HMCN1: variants seen among roughly 807,000 people sequenced by gnomAD.
The protein encoded by HMCN1 is hemicentin-1.
In HMCN1, 321 loss-of-function variants were observed where a neutral mutation model predicts 625.9. That is an observed-to-expected ratio of 0.51 (90% CI 0.47 to 0.56). The LOEUF (loss-of-function observed/expected upper bound fraction) is 0.56. HMCN1 is among the 20% of genes least tolerant of loss of function. The pLI, the probability that HMCN1 is intolerant of heterozygous loss-of-function variation, is 0.00. For missense variants in HMCN1, 6,588 were observed against 6,887.3 expected, an observed-to-expected ratio of 0.96 and a Z score of 1.54; for synonymous variants, 2,425 against 2,417.6, an observed-to-expected ratio of 1.00 and a Z score of -0.09.
At chr1:186,003,593 T>C (rs1031676099) in intron 28 of HMCN1, 125 bp from the exon 29 acceptor site, 1 of 844,258 alleles carries the variant, frequency 1.2e-6, no homozygotes, top group Non-Finnish European at 2.0e-6. Context: ...TATTGTTGTG[T>C]GGTATTTTAT....
chr1:186,122,815 G>T, intron 80 of HMCN1, 136 bp from the exon 81 acceptor site: 1 of 913,128 alleles, frequency 1.1e-6, no homozygotes, highest in Non-Finnish European at 1.7e-6. Context: ...AAAATGTAGT[G>T]CTCCTTTTCT....
At chr1:185,926,631 T>A (rs1042882229) in intron 9 of HMCN1, among the ~76,000 whole-genome samples, 2 of 152,210 alleles carry the variant, frequency 1.3e-5, no homozygotes, top group Non-Finnish European at 2.9e-5. Context: ...AGATATGACA[T>A]GCTTTGCTGA....
rs762381511 is a variant in HMCN1, at chr1:186,103,602, C to T, written c.10704C>T (p.Pro3568=). 29 of 1,613,740 alleles carry T rather than the reference C, an allele frequency of 1.8e-5. No homozygotes were observed. Among genetic ancestry groups the T allele is most frequent in the East Asian group, 2.2e-5 (1 of 44,880 alleles). ...PKMTWMKDGR[P]LPQTDQVQTL... ...TGACCTGGATGAAAGATGGCCGGCC[C>T]CTTCCACAGACGGATCAAGTGCAAA... Residue 3568 remains proline, a synonymous_variant, in exon 69 of 107, where the codon CCC becomes CCT. Transcript: ENST00000271588.
intron 1 of HMCN1, among the ~76,000 whole-genome samples, chr1:185,819,008 G>A (rs1300078315): frequency 1.3e-5 from 2 of 151,986 alleles, no homozygotes; most frequent in Middle Eastern, 3.4e-3. Context: ...GGAGGCTGAG[G>A]CGGGCGGATC....
chr1:185,773,985 G>T (rs1656423924), intron 1 of HMCN1, among the ~76,000 whole-genome samples: 1 of 152,062 alleles, frequency 6.6e-6, no homozygotes, highest in African/African-American at 2.4e-5. Context: ...TTGTTAAAAG[G>T]ATTCAGAAAA....
At chr1:185,817,644 A>G (rs1375535969) in intron 1 of HMCN1, among the ~76,000 whole-genome samples, 2 of 152,212 alleles carry the variant, frequency 1.3e-5, no homozygotes, top group Non-Finnish European at 2.9e-5. Flanking sequence ...AGCTTATTAC[A>G]TAGTTTCAAG....
rs149235771 is a variant in HMCN1 at position 186,157,594 on chromosome 1, C to A, written c.15256+3607C>A. On this transcript the variant is annotated intron_variant, in intron 97 of 106. Coordinates refer to ENST00000271588, the MANE Select transcript of HMCN1 (RefSeq NM_031935.3). ...CTGGTGCGCTGCACCCACTAACTCC[C>A]CCCACCCCAAAACAGTCCCCAGAGT... Among the ~76,000 whole-genome samples the A allele has an allele frequency of 5.7e-3, 869 of 152,260 alleles. 9 individuals carry two copies. Among genetic ancestry groups the A allele is most frequent in the African/African-American group, 0.02 (846 of 41,564 alleles).
At chr1:185,861,883 A>C (rs1662895135) in intron 2 of HMCN1, among the ~76,000 whole-genome samples, 1 of 152,216 alleles carries the variant, frequency 6.6e-6, no homozygotes. Context: ...TGATTAAGCC[A>C]GCACTGTGCT....
rs1185102259 is a variant in HMCN1 at position 186,063,096 on chromosome 1, A to ATATATATATG, written c.7513+503_7513+504insATGTATATAT. 1.0e-3 allele frequency among the ~76,000 whole-genome samples: 116 copies of ATATATATATG among 115,390 alleles called. 4 individuals are homozygous for ATATATATATG. The highest frequency in any genetic ancestry group is 3.9e-3 in the African/African-American group (101 of 26,212). The allele number at this position is 115,390 out of a possible 152,430, so 75.7% of individuals were successfully genotyped here. A position where few individuals can be genotyped will look rare whatever the true frequency, so the allele number is the denominator to read the frequency against. On this transcript the variant is annotated intron_variant, in intron 48 of 106. Transcript: ENST00000271588. Reference sequence around the variant, plus strand: ...TATATATATATATATATATATATATATATATATCACATTTTCATTACCCAA... The same window carrying ATATATATATG: ...TATATATATATATATATATATATATATATATATATGTATATATCACATTTTCATTACCCAA...
intron 1 of HMCN1, among the ~76,000 whole-genome samples, chr1:185,827,171 C>CAAAAAAAAAAA (rs756416016): frequency 1.2e-4 from 5 of 43,146 alleles, no homozygotes; most frequent in South Asian, 7.8e-4. Context: ...GACTCCATCT[C>CAAAAAAAAAAA]AAAAAAAAAA....
At position 185,737,743 on chromosome 1, in the gene HMCN1, C is replaced by T. The variant is rs755265693; in HGVS notation, c.268+2696C>T. On this transcript the variant is annotated intron_variant, in intron 1 of 106. Transcript: ENST00000271588. ...TGTTTATAAGCCCTTTGACATCTAT[C>T]GCATTTAGCTAGATGAAATAATGGA... 1.1e-4 allele frequency among the ~76,000 whole-genome samples: 16 copies of T among 152,042 alleles called. 1 individual carries two copies. Among genetic ancestry groups the T allele is most frequent in the Admixed American group, 7.9e-4 (12 of 15,262 alleles).
intron 1 of HMCN1, among the ~76,000 whole-genome samples, chr1:185,812,327 A>T (rs1363812854): frequency 1.3e-5 from 2 of 152,168 alleles, no homozygotes; most frequent in Non-Finnish European, 2.9e-5. Context: ...CGGAAAATAC[A>T]TACACAAGAG....
chr1:186,128,347 G>T (rs770843202), intron 83 of HMCN1, 56 bp downstream of exon 83: 10 of 1,377,430 alleles, frequency 7.3e-6, no homozygotes, highest in Admixed American at 5.1e-5. Context: ...AACTCTAGAC[G>T]AAGCTCTGTT....
rs995020080 is a variant in HMCN1, at chr1:185,865,592, C to T, written c.499-149C>T. On this transcript the variant is annotated intron_variant, in intron 3 of 106. Transcript: ENST00000271588. ...ATAATTATATAAGCATACACACACACACACACACACACACACACACACACA... is the reference window on the plus strand; with the variant it reads ...ATAATTATATAAGCATACACACACATACACACACACACACACACACACACA... 4.2e-5 allele frequency: 13 copies of T among 310,034 alleles called. No individual in the cohort carries two copies. In the Admixed American group the frequency reaches 4.7e-4, roughly 11 times the overall value. 19.2% of individuals were successfully genotyped at this position (310,034 alleles called of 1,614,324 possible).
At chr1:186,110,823 A>G (rs1462471337) in intron 71 of HMCN1, among the ~76,000 whole-genome samples, 4 of 151,854 alleles carry the variant, frequency 2.6e-5, no homozygotes, top group Non-Finnish European at 4.4e-5. Flanking sequence ...ATTCATACCC[A>G]AGGTGGGGGA....
At chr1:186,016,365 T>TTGCACAGA in intron 32 of HMCN1, 126 bp downstream of exon 32, 11 of 829,408 alleles carry the variant, frequency 1.3e-5, no homozygotes, top group Non-Finnish European at 1.9e-5. Flanking sequence ...TGTGCAACTG[T>TTGCACAGA]GGATTGCACA....
intron 1 of HMCN1, among the ~76,000 whole-genome samples, chr1:185,785,417 T>C (rs575501168): frequency 6.6e-6 from 1 of 152,262 alleles, no homozygotes; most frequent in African/African-American, 2.4e-5. Context: ...TGCCTCGTCC[T>C]TAATTTGATT....
chr1:186,018,466 A>T, intron 34 of HMCN1, 114 bp downstream of exon 34: 1 of 1,104,792 alleles, frequency 9.1e-7, no homozygotes, highest in Non-Finnish European at 1.4e-6. Context: ...TGTGGAAGGT[A>T]GTGTAAAGGA....
At chr1:186,080,907 G>A (rs1351786676) in intron 55 of HMCN1, among the ~76,000 whole-genome samples, 1 of 152,098 alleles carries the variant, frequency 6.6e-6, no homozygotes, top group Non-Finnish European at 1.5e-5. Flanking sequence ...AGTGGGAGGG[G>A]CTGAGAGAGA....
Sources: allele counts gnomAD v4.1 joint callset (sites outside exome capture counted in the v4.1 genomes callset), GRCh38; gene constraint gnomAD v4.1.1; transcripts MANE v1.5; gene names NCBI Gene and HGNC (gene_info 2026-07-23, HGNC 2026-07-21).